OGDHL: variants seen among roughly 807,000 people sequenced by gnomAD.
The protein encoded by OGDHL is 2-oxoglutarate dehydrogenase-like, mitochondrial.
OGDHL carries 79 observed loss-of-function variants against 109.6 expected under a neutral mutation model. That is an observed-to-expected ratio of 0.72 (90% confidence interval 0.60 to 0.87). OGDHL has a LOEUF of 0.87. OGDHL is among the 40% of genes least tolerant of loss of function. The pLI, the probability that OGDHL is intolerant of heterozygous loss-of-function variation, is 0.00. For missense variants in OGDHL, 1,275 were observed against 1,362.2 expected, an observed-to-expected ratio of 0.94 and a Z score of 1.01; for synonymous variants, 528 against 537.2, an observed-to-expected ratio of 0.98 and a Z score of 0.24.
chr10:49,740,055 T>C (rs1464264709), intron 16 of OGDHL, among the ~76,000 whole-genome samples: 3 of 152,080 alleles, frequency 2.0e-5, no homozygotes, highest in African/African-American at 2.4e-5. Context: ...CCTGCTATCA[T>C]GTGTGGTCAG....
At chr10:49,741,583 G>C (rs375373299) in intron 15 of OGDHL, among the ~76,000 whole-genome samples, 9 of 151,612 alleles carry the variant, frequency 5.9e-5, no homozygotes, top group Middle Eastern at 3.4e-3. Context: ...TCCCCATTTG[G>C]ATTCACAAAG....
chr10:49,757,091 A>G, intron 2 of OGDHL, 145 bp from the exon 3 acceptor site: 1 of 696,380 alleles, frequency 1.4e-6, no homozygotes, highest in Non-Finnish European at 2.3e-6. Flanking sequence ...ATGTACATAC[A>G]ACGATGTTCC....
At chr10:49,746,341 C>T (rs1410222619) in intron 10 of OGDHL, among the ~76,000 whole-genome samples, 1 of 152,194 alleles carries the variant, frequency 6.6e-6, no homozygotes, top group Non-Finnish European at 1.5e-5. Flanking sequence ...ACTTAAATTC[C>T]CACCTCACAG....
intron 9 of OGDHL, 43 bp downstream of exon 9, chr10:49,746,986 C>G (rs368880775): frequency 6.8e-5 from 110 of 1,609,020 alleles, no homozygotes; most frequent in Non-Finnish European, 9.3e-5. Flanking sequence ...CTGGGCCCAC[C>G]CTGAAGGGCC....
rs773615371 is a variant in OGDHL, at chr10:49,750,856, G to A, written c.879C>T (p.Ile293=). ...KSSEMGIENV[I]LGMPHRGRLN... ...GGACCCACCTGTGTGGCATCCCCAA[G>A]ATGACATTCTCAATCCCCATCTCGC... is the stretch of plus-strand genomic sequence containing the variant. The change falls in exon 7 of 23, where the codon ATC becomes ATT. Residue 293 remains isoleucine, a synonymous_variant. Coordinates refer to ENST00000374103, the MANE Select transcript of OGDHL (RefSeq NM_018245.3). 4 of 1,611,312 alleles carry A rather than the reference G, an allele frequency of 2.5e-6. No individual in the cohort carries two copies. In the African/African-American group the frequency reaches 5.3e-5, roughly 22 times the overall value.
intron 15 of OGDHL, among the ~76,000 whole-genome samples, chr10:49,742,057 C>CG (rs1564530626): frequency 1.0e-5 from 1 of 95,410 alleles, no homozygotes; most frequent in Non-Finnish European, 2.2e-5. Context: ...CACACGCACA[C>CG]CACACTACAC....
chr10:49,749,635 C>T, intron 8 of OGDHL, 91 bp downstream of exon 8: 1 of 1,132,794 alleles, frequency 8.8e-7, no homozygotes, highest in Non-Finnish European at 1.2e-6. Context: ...AGGTTTATCT[C>T]AGCCCGGAAG....
intron 6 of OGDHL, 84 bp from the exon 7 acceptor site, chr10:49,751,069 C>T (rs111643465): frequency 8.5e-6 from 11 of 1,296,232 alleles, no homozygotes; most frequent in Middle Eastern, 1.9e-4. Context: ...TTCATGAGTG[C>T]TCAGAGCTGA....
intron 21 of OGDHL, 29 bp from the exon 22 acceptor site, chr10:49,736,206 C>A (rs759838333): frequency 3.2e-6 from 5 of 1,572,846 alleles, no homozygotes; most frequent in East Asian, 2.2e-5. Flanking sequence ...AGGAGCATAG[C>A]CAGAGGAGGG....
chr10:49,748,952 T>A (rs553746813), intron 8 of OGDHL, among the ~76,000 whole-genome samples: 27 of 152,228 alleles, frequency 1.8e-4, no homozygotes, highest in African/African-American at 6.3e-4. Context: ...TCCATGCCTG[T>A]AATCCCAGCA....
At chr10:49,754,372 A>C (rs887107439) in intron 3 of OGDHL, among the ~76,000 whole-genome samples, 2 of 152,212 alleles carry the variant, frequency 1.3e-5, no homozygotes, top group African/African-American at 4.8e-5. Flanking sequence ...AAAGAAGATA[A>C]ACTTTCATTA....
intron 14 of OGDHL, 192 bp downstream of exon 14, chr10:49,743,802 A>G (rs1020944746): frequency 5.0e-6 from 3 of 596,256 alleles, no homozygotes; most frequent in Non-Finnish European, 8.4e-6. Flanking sequence ...GGAGCTGCCC[A>G]GCTCGCCACG....
intron 1 of OGDHL, chr10:49,758,803 A>G (rs1368216780): frequency 5.0e-6 from 3 of 603,952 alleles, no homozygotes; most frequent in Non-Finnish European, 8.8e-6. Flanking sequence ...CTCTATCAAT[A>G]GATATCAAAC....
In OGDHL at chr10:49,744,112, G is replaced by A. The variant is rs150388217; in HGVS notation, c.1743C>T (p.Asn581=). The change falls in exon 14 of 23, where the codon AAC becomes AAT. Residue 581 remains asparagine (N), a synonymous_variant. Transcript: ENST00000374103. ...WLDSPWPGFF[N]VDGEPKSMTC... ...TCATGCTCTTGGGCTCCCCATCTAC[G>A]TTGAAGAAGCCTGAGAGGGAGAGAG... is the stretch of plus-strand genomic sequence containing the variant. The A allele has an allele frequency of 1.7e-5, 27 of 1,613,672 alleles. No homozygotes were observed. In the African/African-American group the frequency reaches 2.4e-4, roughly 14 times the overall value.
intron 7 of OGDHL, among the ~76,000 whole-genome samples, chr10:49,750,395 C>T (rs1842504865): frequency 6.6e-6 from 1 of 152,234 alleles, no homozygotes; most frequent in South Asian, 2.1e-4. Context: ...CAAGGGAACA[C>T]GCAGTCAGCT....
Position 49,751,914 on chromosome 10 carries a change from ATCCACTGGCAC to A in OGDHL, c.651_661del (p.Gln217HisfsTer6). On this transcript the variant is annotated frameshift_variant, in exon 6 of 23. Transcript: ENST00000374103. LOFTEE classifies it high-confidence loss of function. Reference sequence around the variant, plus strand: ...ACCAGGGGTCTCAAACTTCTGCCGGATCCACTGGCACTGCTCCACATCGTTGATGAACATGA... The same window carrying A: ...ACCAGGGGTCTCAAACTTCTGCCGGATGCTCCACATCGTTGATGAACATGA... The A allele has an allele frequency of 3.1e-6, 5 of 1,614,148 alleles. No individual in the cohort carries two copies. The highest frequency in any genetic ancestry group is 4.2e-6 in the Non-Finnish European group (5 of 1,180,018).
rs1056223913 is a variant in OGDHL at position 49,752,547 on chromosome 10, TC to T, written c.478+90del. On this transcript the variant is annotated intron_variant, in intron 4 of 22. Coordinates refer to ENST00000374103, the MANE Select transcript of OGDHL (RefSeq NM_018245.3). The stretch of plus-strand genomic sequence containing the variant: ...GGGCTGCTCCCCGAGCTCCATGGAT[TC>T]CCAAGGATCAGGCTGTCCCTAGTGC... 4.6e-6 allele frequency: 5 copies of T among 1,097,270 alleles called. No homozygotes were observed. In the African/African-American group the frequency reaches 7.7e-5, roughly 17 times the overall value. The allele number at this position is 1,097,270 out of a possible 1,614,324, so 68.0% of individuals were successfully genotyped here.
Position 49,751,933 on chromosome 10 carries a change from C to T in OGDHL, c.643G>A (p.Val215Met), listed in dbSNP as rs1173832380. Residue 215 changes from valine (V) to methionine (M), a missense_variant, in exon 6 of 23, where the codon GTG becomes ATG. Val to Met is a conservative substitution (Grantham distance 21, BLOSUM62 1). Transcript: ENST00000374103. Reference protein sequence around the residue: ...IGLEFMFINDVEQCQWIRQKF... With the variant: ...IGLEFMFINDMEQCQWIRQKF... ...TGCCGGATCCACTGGCACTGCTCCA[C>T]ATCGTTGATGAACATGAACTCCAGG... 2 of 1,614,224 alleles carry T rather than the reference C, an allele frequency of 1.2e-6. No homozygotes were observed. The highest frequency in any genetic ancestry group is 2.2e-5 in the East Asian group (1 of 44,878).
At chr10:49,750,601 G>A (rs947712043) in intron 7 of OGDHL, among the ~76,000 whole-genome samples, 7 of 152,168 alleles carry the variant, frequency 4.6e-5, no homozygotes, top group Non-Finnish European at 1.5e-5. Context: ...AGGCAACATG[G>A]CCAGGGAGAG....
Sources: gnomAD v4.1 joint callset for allele counts (sites outside exome capture counted in the v4.1 genomes callset) on GRCh38, gnomAD v4.1.1 for gene constraint, MANE v1.5 for transcripts, NCBI Gene and HGNC (gene_info 2026-07-23, HGNC 2026-07-21) for gene names.